The following MX2 variants were observed in gnomAD, a reference collection of about 807,000 sequenced individuals.
MX2 encodes the protein MX dynamin like GTPase 2.
In MX2, 51 loss-of-function variants were observed where a neutral mutation model predicts 74.0. That is an observed-to-expected ratio of 0.69 (90% CI 0.55 to 0.87). The LOEUF (loss-of-function observed/expected upper bound fraction) is 0.87. Among genes scored for constraint, MX2 ranks in the 40% least tolerant of loss-of-function variants. The probability of loss-of-function intolerance (pLI) is 0.00; values close to 1 mark genes in which losing one functional copy is unlikely to be tolerated. For synonymous variants in MX2, 369 were observed against 339.3 expected (o/e 1.09, Z -0.96); for missense variants, 832 against 908.7 (o/e 0.92, Z 1.09).
In MX2 at chr21:41,377,095, C is replaced by G. The variant is rs141821127; in HGVS notation, c.189C>G (p.Phe63Leu). 6 of 1,614,218 alleles carry G rather than the reference C, an allele frequency of 3.7e-6. No individual in the cohort carries two copies. The highest frequency in any genetic ancestry group is 5.1e-6 in the Non-Finnish European group (6 of 1,180,036). The change falls in exon 2 of 14, where the codon TTC becomes TTG. Residue 63 changes from phenylalanine (F) to leucine (L), a missense_variant. Transcript: ENST00000330714. ...ACGCTGCTTTCCTCGCCAAGGACTT[C>G]AACTTTCTCACTTTGAACAATCAGC... ...EKDAAFLAKDFNFLTLNNQPP... is the reference protein window; with the variant it reads ...EKDAAFLAKDLNFLTLNNQPP...
chr21:41,405,817 G>C (rs1045007630), intron 12 of MX2, among the ~76,000 whole-genome samples: 1 of 147,520 alleles, frequency 6.8e-6, no homozygotes, highest in Non-Finnish European at 1.5e-5. Flanking sequence ...TGATTCTCCT[G>C]CCTCAGCCTC....
intron 8 of MX2, among the ~76,000 whole-genome samples, chr21:41,398,675 C>T (rs144484271): frequency 6.6e-6 from 1 of 152,166 alleles, no homozygotes; most frequent in Admixed American, 6.5e-5. Context: ...GGTTCTCCAA[C>T]TTTAAGGCAC....
chr21:41,378,343 G>GAGACA (rs2089441813), intron 3 of MX2, among the ~76,000 whole-genome samples: 4 of 150,644 alleles, frequency 2.7e-5, no homozygotes, highest in African/African-American at 9.8e-5. Flanking sequence ...GCCACTGGGA[G>GAGACA]GGCCCTAGGA....
In MX2 at chr21:41,388,302, C is replaced by G. The variant is rs1464994694; in HGVS notation, c.733-2263C>G. ...ATTTCCTGTCACTGCGCCTTGGCCC[C>G]TCGCTCCACCCTACCACATCCGGGT... On this transcript the variant is annotated intron_variant, in intron 5 of 13. Coordinates refer to ENST00000330714, the MANE Select transcript of MX2 (RefSeq NM_002463.2). This position sits in a 1 kb window ranked among gnomAD's most constrained non-coding sequence, Gnocchi z 4.0. Among the ~76,000 whole-genome samples the G allele has an allele frequency of 2.0e-5, 3 of 152,226 alleles. No individual in the cohort carries two copies. The highest frequency in any genetic ancestry group is 7.2e-5 in the African/African-American group (3 of 41,466).
At chr21:41,401,171 A>ACCATCT (rs2089808181) in intron 10 of MX2, 1 of 148,826 alleles carries the variant, frequency 6.7e-6, no homozygotes, top group African/African-American at 2.6e-5. Context: ...ACAGAGCCAA[A>ACCATCT]CACAATTTGA....
At chr21:41,383,146 G>A (rs1022805148) in intron 5 of MX2, among the ~76,000 whole-genome samples, 1 of 152,140 alleles carries the variant, frequency 6.6e-6, no homozygotes, top group Non-Finnish European at 1.5e-5. Flanking sequence ...ATCACTTGAG[G>A]CCAGAAGTTC....
rs140149017 is a variant in MX2 at position 41,395,649 on chromosome 21, C to T, written c.934C>T (p.Arg312Trp). 7.4e-6 allele frequency: 12 copies of T among 1,613,996 alleles called. No homozygotes were observed. The highest frequency in any genetic ancestry group is 6.7e-5 in the African/African-American group (5 of 74,888). ...TGAGAAAAGCGTCATGAATGTGGTG[C>T]GGAACCTCACGTACCCCCTCAAGAA... ...GTEKSVMNVV[R>W]NLTYPLKKGY... The change falls in exon 7 of 14, where the codon CGG becomes TGG. Residue 312 changes from arginine (R) to tryptophan (W), a missense_variant. By Grantham distance (101) the Arg-to-Trp change is moderately radical (BLOSUM62 -3). Coordinates refer to ENST00000330714, the MANE Select transcript of MX2 (RefSeq NM_002463.2).
At chr21:41,374,349 C>G (rs1003957) in intron 1 of MX2, among the ~76,000 whole-genome samples, 45,763 of 152,166 alleles carry the variant, frequency 0.3, 9,416 homozygotes, top group African/African-American at 0.59. Context: ...CCACCTGCCT[C>G]TGGAGGACAC....
chr21:41,392,835 T>C (rs893150293), intron 6 of MX2, among the ~76,000 whole-genome samples: 2 of 152,152 alleles, frequency 1.3e-5, no homozygotes, highest in African/African-American at 4.8e-5. Flanking sequence ...CCGGGCATGT[T>C]GACTCATGCC....
In MX2 at chr21:41,392,666, C is replaced by A. The variant is rs193270477; in HGVS notation, c.871+1963C>A. 2.0e-3 allele frequency among the ~76,000 whole-genome samples: 303 copies of A among 152,206 alleles called. 2 individuals are homozygous for A. The highest frequency in any genetic ancestry group is 0.01 in the Middle Eastern group (3 of 294). On this transcript the variant is annotated intron_variant, in intron 6 of 13. Coordinates refer to ENST00000330714, the MANE Select transcript of MX2 (RefSeq NM_002463.2). ...GGCTAAAATAGGAAAATTCACTTTACGTACACTTTATTACCATTTTTGTAA... is the reference window on the plus strand; with the variant it reads ...GGCTAAAATAGGAAAATTCACTTTAAGTACACTTTATTACCATTTTTGTAA...
intron 1 of MX2, among the ~76,000 whole-genome samples, chr21:41,375,280 T>C (rs2089385552): frequency 6.6e-6 from 1 of 152,258 alleles, no homozygotes; most frequent in Admixed American, 6.5e-5. Flanking sequence ...AGTGAGGGCT[T>C]GGTCTGACTT....
At position 41,406,967 on chromosome 21, in the gene MX2, A is replaced by AG; in HGVS notation, c.1874_1875insG (p.Ile626AsnfsTer34). Reference sequence around the variant, plus strand: ...GAGTCTTCGGTTTCCTCCTTTACTGAAATAGGCATCCACCTGAATGCCTAC... The same window carrying AG: ...GAGTCTTCGGTTTCCTCCTTTACTGAGAATAGGCATCCACCTGAATGCCTAC... On this transcript the variant is annotated frameshift_variant, in exon 13 of 14. Coordinates refer to ENST00000330714, the MANE Select transcript of MX2 (RefSeq NM_002463.2). LOFTEE classifies it low-confidence loss of function (END_TRUNC). 1 of 1,613,516 alleles carries AG rather than the reference A, an allele frequency of 6.2e-7. No individual in the cohort carries two copies. Among genetic ancestry groups the AG allele is most frequent in the Non-Finnish European group, 8.5e-7 (1 of 1,179,448 alleles).
intron 5 of MX2, among the ~76,000 whole-genome samples, chr21:41,383,186 CTG>C (rs755971393): frequency 7.2e-5 from 11 of 152,140 alleles, no homozygotes; most frequent in Non-Finnish European, 1.5e-4. Context: ...TAGTGAGACC[CTG>C]TCTCTGCAAA....
Position 41,398,889 on chromosome 21 carries a change from T to A in MX2, c.1150-8T>A. ...CGCAGTTTGATTGTTTGCAATTGTTTTGTTTAGAAATCGCTCCCGTTGTTA... is the reference window on the plus strand; with the variant it reads ...CGCAGTTTGATTGTTTGCAATTGTTATGTTTAGAAATCGCTCCCGTTGTTA... On this transcript the variant is annotated splice_polypyrimidine_tract_variant and splice_region_variant and intron_variant, in intron 8 of 13. Coordinates refer to ENST00000330714, the MANE Select transcript of MX2 (RefSeq NM_002463.2). 1 of 1,611,092 alleles carries A rather than the reference T, an allele frequency of 6.2e-7. No homozygotes were observed. Among genetic ancestry groups the A allele is most frequent in the Non-Finnish European group, 8.5e-7 (1 of 1,177,814 alleles).
At chr21:41,377,267 A>T in intron 2 of MX2, 112 bp downstream of exon 2, 1 of 1,419,278 alleles carries the variant, frequency 7.0e-7, no homozygotes, top group Non-Finnish European at 9.6e-7. Flanking sequence ...CCTCCAGCAC[A>T]GCTGATGTCT....
At chr21:41,373,905 G>A (rs1403129630) in intron 1 of MX2, 1 of 151,752 alleles carries the variant, frequency 6.6e-6, no homozygotes, top group African/African-American at 2.4e-5. Flanking sequence ...CAGCAGGCGG[G>A]AACCAGCCCT....
At chr21:41,376,541 C>T (rs1466428941) in intron 1 of MX2, among the ~76,000 whole-genome samples, 3 of 149,710 alleles carry the variant, frequency 2.0e-5, no homozygotes, top group Non-Finnish European at 3.0e-5. Context: ...GAGTGAGACC[C>T]TGTCTCAACA....
rs969793482 is a variant in MX2 at position 41,388,505 on chromosome 21, C to T, written c.733-2060C>T. Among the ~76,000 whole-genome samples, 10 of 152,182 alleles carry T rather than the reference C, an allele frequency of 6.6e-5. No homozygotes were observed. Among genetic ancestry groups the T allele is most frequent in the African/African-American group, 1.2e-4 (5 of 41,442 alleles). The stretch of plus-strand genomic sequence containing the variant: ...CTGCCTTGCCTGACATACTGTTCCC[C>T]GTGCCTGGCTCTTTCAATTCCACTT... On this transcript the variant is annotated intron_variant, in intron 5 of 13. Transcript: ENST00000330714. The surrounding 1 kb of genome is among the most constrained non-coding windows in gnomAD (Gnocchi z 4.0).
intron 10 of MX2, chr21:41,401,004 G>A (rs1032586898): frequency 6.6e-6 from 1 of 152,272 alleles, no homozygotes; most frequent in African/African-American, 2.4e-5. Context: ...ACTGCTCCCA[G>A]CCCCTAAACA....
Sources: allele counts gnomAD v4.1 joint callset (sites outside exome capture counted in the v4.1 genomes callset), GRCh38; gene constraint gnomAD v4.1.1; non-coding constraint Gnocchi (gnomAD v3.1); transcripts MANE v1.5; gene names NCBI Gene and HGNC (gene_info 2026-07-23, HGNC 2026-07-21).